Variants in ANKRD44 observed in about 807,000 individuals in gnomAD.
The protein encoded by ANKRD44 is serine/threonine-protein phosphatase 6 regulatory ankyrin repeat subunit B.
In ANKRD44, 35 loss-of-function variants were observed where a neutral mutation model predicts 116.0. The ratio of observed to expected loss-of-function variants is 0.30; its 90% CI spans 0.23 to 0.40. The LOEUF is 0.40. ANKRD44 is among the 10% of genes least tolerant of loss of function. ANKRD44 has a pLI of 1.00. For synonymous variants in ANKRD44, 435 were observed against 461.8 expected (o/e 0.94, Z 0.74); for missense variants, 1,014 against 1,242.6 (o/e 0.82, Z 2.77).
At position 197,273,974 on chromosome 2, in the gene ANKRD44, AAAAAAAAT is replaced by A. The variant is rs2082979376; in HGVS notation, c.27+36596_27+36603del. Reference sequence around the variant, plus strand: ...TCAACCAACCACAAAAAAAAAAAAAAAAAAAAATATATATATATATATATATATATATA... The same window carrying A: ...TCAACCAACCACAAAAAAAAAAAAAAATATATATATATATATATATATATA... On this transcript the variant is annotated intron_variant, in intron 1 of 27. Transcript: ENST00000282272. Among the ~76,000 whole-genome samples, 4 of 33,654 alleles carry A rather than the reference AAAAAAAAT, an allele frequency of 1.2e-4. 1 individual carries two copies. In the South Asian group the frequency reaches 6.0e-3, roughly 51 times the overall value. 22.1% of individuals were successfully genotyped at this position (33,654 alleles called of 152,430 possible). A position where few individuals can be genotyped will look rare whatever the true frequency, so the allele number is the denominator to read the frequency against.
At chr2:197,268,728 G>A (rs1234755002) in intron 1 of ANKRD44, among the ~76,000 whole-genome samples, 2 of 152,170 alleles carry the variant, frequency 1.3e-5, no homozygotes, top group East Asian at 3.9e-4. Flanking sequence ...GCATGCATCT[G>A]CTTTTCATGG....
chr2:197,086,786 A>T, intron 12 of ANKRD44, 38 bp from the exon 13 acceptor site: 2 of 1,588,286 alleles, frequency 1.3e-6, no homozygotes, highest in African/African-American at 2.7e-5. Flanking sequence ...GATGGAAGAG[A>T]TCAATTACTG....
intron 2 of ANKRD44, among the ~76,000 whole-genome samples, chr2:197,169,948 G>C (rs1344982045): frequency 6.6e-6 from 1 of 152,060 alleles, no homozygotes; most frequent in East Asian, 1.9e-4. Context: ...CAAGCACTTT[G>C]GCAGGCCATG....
At position 197,212,278 on chromosome 2, in the gene ANKRD44, CT is replaced by C. The variant is rs1442516966; in HGVS notation, c.28-25173del. Among the ~76,000 whole-genome samples, 1 of 152,126 alleles carries C rather than the reference CT, an allele frequency of 6.6e-6. No homozygotes were observed. Among genetic ancestry groups the C allele is most frequent in the African/African-American group, 2.4e-5 (1 of 41,412 alleles). ...AAAGTCATCTGGCCTCTGAAACTGGCTTTTATGAGCCAGTAAGTGTGTGAGC... is the reference window on the plus strand; with the variant it reads ...AAAGTCATCTGGCCTCTGAAACTGGCTTTATGAGCCAGTAAGTGTGTGAGC... On this transcript the variant is annotated intron_variant, in intron 1 of 27. Transcript: ENST00000282272. This position sits in a 1 kb window ranked among gnomAD's most constrained non-coding sequence, Gnocchi z 4.8.
At chr2:197,280,215 T>C (rs2083223598) in intron 1 of ANKRD44, among the ~76,000 whole-genome samples, 1 of 152,056 alleles carries the variant, frequency 6.6e-6, no homozygotes, top group Admixed American at 6.6e-5. Flanking sequence ...ATGTGCAGTC[T>C]ACAGACAGGA....
chr2:197,170,283 A>G (rs755269778), intron 2 of ANKRD44, among the ~76,000 whole-genome samples: 9 of 151,730 alleles, frequency 5.9e-5, no homozygotes, highest in Non-Finnish European at 1.3e-4. Context: ...AGATTCCCTT[A>G]TGGCAGGAAT....
intron 16 of ANKRD44, among the ~76,000 whole-genome samples, chr2:197,042,851 G>A (rs920083183): frequency 2.6e-5 from 4 of 152,162 alleles, no homozygotes; most frequent in African/African-American, 9.7e-5. Context: ...GCAAGAATGA[G>A]GCATTTTCGG....
intron 2 of ANKRD44, among the ~76,000 whole-genome samples, chr2:197,161,716 C>T (rs1283451927): frequency 6.6e-6 from 1 of 152,138 alleles, no homozygotes; most frequent in Non-Finnish European, 1.5e-5. Context: ...ATCTTGCTTA[C>T]CATATGTATT....
chr2:197,058,612 C>T (rs939854558), intron 16 of ANKRD44, among the ~76,000 whole-genome samples: 2 of 152,138 alleles, frequency 1.3e-5, no homozygotes, highest in Non-Finnish European at 2.9e-5. Context: ...TCTATAAGAG[C>T]TTTGACTATT....
At chr2:197,063,568 G>A (rs1048082101) in intron 16 of ANKRD44, among the ~76,000 whole-genome samples, 7 of 152,100 alleles carry the variant, frequency 4.6e-5, no homozygotes, top group Admixed American at 1.3e-4. Flanking sequence ...AAGATTAGAC[G>A]AACGGCTAAC....
intron 24 of ANKRD44, 133 bp from the exon 25 acceptor site, chr2:196,998,552 A>G (rs917240273): frequency 4.2e-6 from 3 of 717,968 alleles, no homozygotes; most frequent in Admixed American, 2.8e-5. Flanking sequence ...TATTTAAAGA[A>G]AAAAGGGAGT....
intron 2 of ANKRD44, among the ~76,000 whole-genome samples, chr2:197,170,687 T>C (rs1456390937): frequency 1.3e-5 from 2 of 152,250 alleles, no homozygotes; most frequent in African/African-American, 4.8e-5. Context: ...GAAATGTTCA[T>C]GAAGGCAAAT....
chr2:197,089,188 G>C (rs1242842323), intron 11 of ANKRD44, among the ~76,000 whole-genome samples: 1 of 152,130 alleles, frequency 6.6e-6, no homozygotes, highest in Non-Finnish European at 1.5e-5. Flanking sequence ...GTTGGTTTAA[G>C]AGTTGGGAAA....
chr2:197,089,974 A>G lies in ANKRD44; in HGVS notation c.1159T>C (p.Cys387Arg), dbSNP rs1389564196. The part of the protein sequence containing the change: ...HLAALNAHSD[C>R]CRKLLSSGFE... ...CCCGATGATAACAACTTTCTGCAGCAGTCAGAGTGAGCATTTAGGGCAGCT... is the reference window on the plus strand; with the variant it reads ...CCCGATGATAACAACTTTCTGCAGCGGTCAGAGTGAGCATTTAGGGCAGCT... The change falls in exon 11 of 28, where the codon TGC becomes CGC. Residue 387 changes from cysteine to arginine, a missense_variant. Coordinates refer to ENST00000282272, the MANE Select transcript of ANKRD44 (RefSeq NM_001195144.2). 1 of 1,614,002 alleles carries G rather than the reference A, an allele frequency of 6.2e-7. No individual in the cohort carries two copies. Among genetic ancestry groups the G allele is most frequent in the Non-Finnish European group, 8.5e-7 (1 of 1,179,956 alleles).
At chr2:197,295,382 C>A (rs2083688699) in intron 1 of ANKRD44, among the ~76,000 whole-genome samples, 1 of 152,100 alleles carries the variant, frequency 6.6e-6, no homozygotes, top group African/African-American at 2.4e-5. Flanking sequence ...GTTGTAGCGC[C>A]CATAGACAAG....
intron 16 of ANKRD44, among the ~76,000 whole-genome samples, chr2:197,037,250 TA>T (rs1248903121): frequency 6.6e-6 from 1 of 152,250 alleles, no homozygotes; most frequent in Non-Finnish European, 1.5e-5. Flanking sequence ...GATAAATTTC[TA>T]TTGAAAAGTG....
rs1284593266 is a variant in ANKRD44 at position 196,988,350 on chromosome 2, C to A, written c.*1241G>T. ...AGATAAGGTCATTATTGCTCATTAG[C>A]AATTTATCTGCTTTTTAAAAATTCA... On this transcript the variant is annotated 3_prime_UTR_variant, in exon 28 of 28. Transcript: ENST00000282272. 1.0e-6 allele frequency: 1 copy of A among 985,320 alleles called. No individual in the cohort carries two copies. Among genetic ancestry groups the A allele is most frequent in the Non-Finnish European group, 1.2e-6 (1 of 829,910 alleles). 61.0% of individuals were successfully genotyped at this position (985,320 alleles called of 1,614,324 possible). A position where few individuals can be genotyped will look rare whatever the true frequency, so the allele number is the denominator to read the frequency against.
chr2:197,306,537 G>A (rs1180493337), intron 1 of ANKRD44, among the ~76,000 whole-genome samples: 1 of 152,166 alleles, frequency 6.6e-6, no homozygotes, highest in East Asian at 1.9e-4. Flanking sequence ...ATGTGATTGG[G>A]TCCTGAAACA....
chr2:196,988,639 G>C lies in ANKRD44; in HGVS notation c.*952C>G. ...CCAGATATGATAGAACATTATTTTT[G>C]AAATATCTCACATACACTATAAAAT... On this transcript the variant is annotated 3_prime_UTR_variant, in exon 28 of 28. Transcript: ENST00000282272. 1 of 985,022 alleles carries C rather than the reference G, an allele frequency of 1.0e-6. No homozygotes were observed. Among genetic ancestry groups the C allele is most frequent in the Non-Finnish European group, 1.2e-6 (1 of 829,594 alleles). The allele number at this position is 985,022 out of a possible 1,614,324, so 61.0% of individuals were successfully genotyped here.
Sources: gnomAD v4.1 joint callset for allele counts (sites outside exome capture counted in the v4.1 genomes callset) on GRCh38, gnomAD v4.1.1 for gene constraint, Gnocchi (gnomAD v3.1) non-coding constraint, MANE v1.5 for transcripts, NCBI Gene and HGNC (gene_info 2026-07-23, HGNC 2026-07-21) for gene names.